NIN: variants seen among roughly 807,000 people sequenced by gnomAD.
The protein encoded by NIN is ninein.
In NIN, 137 loss-of-function variants were observed where a neutral mutation model predicts 257.6. The ratio of observed to expected loss-of-function variants is 0.53; its 90% CI spans 0.46 to 0.61. NIN has a LOEUF of 0.61. Among genes scored for constraint, NIN ranks in the 20% least tolerant of loss-of-function variants. The pLI is 0.00. For missense variants in NIN, 2,439 were observed against 2,501.2 expected, an observed-to-expected ratio of 0.98 and a Z score of 0.53; for synonymous variants, 918 against 919.8, an observed-to-expected ratio of 1.00 and a Z score of 0.04.
intron 12 of NIN, among the ~76,000 whole-genome samples, chr14:50,768,051 CAACACA>C (rs1375948684): frequency 3.2e-5 from 3 of 93,930 alleles, no homozygotes; most frequent in East Asian, 3.3e-4. Context: ...CCACATTTGC[CAACACA>C]CACACACACA....
At position 50,752,607 on chromosome 14, in the gene NIN, T is replaced by G; in HGVS notation, c.4861A>C (p.Lys1621Gln). The change falls in exon 21 of 31, where the codon AAG becomes CAG. Residue 1621 changes from lysine to glutamine, a missense_variant. Physicochemically the swap from Lys to Gln is moderately conservative, Grantham distance 53. This residue lies in a region of NIN where 2,043 missense variants were observed against 2,050.2 expected (regional missense o/e 1.00). Transcript: ENST00000530997. ...GCACTGTTTCCTGGCTCTTTTTCCT[T>G]CTGGCATAGCATTTCTGTTAGACGT... ...NQRLTEMLCQ[K>Q]EKEPGNSALE... 1 of 1,614,118 alleles carries G rather than the reference T, an allele frequency of 6.2e-7. No individual in the cohort carries two copies. The highest frequency in any genetic ancestry group is 1.7e-5 in the Admixed American group (1 of 60,028).
At chr14:50,738,953 TATTTAGACC>T (rs1878523379) in intron 26 of NIN, among the ~76,000 whole-genome samples, 1 of 152,166 alleles carries the variant, frequency 6.6e-6, no homozygotes, top group Middle Eastern at 3.2e-3. Context: ...CGTGAGGAGT[TATTTAGACC>T]TGCAAGATCT....
intron 17 of NIN, among the ~76,000 whole-genome samples, chr14:50,759,533 G>A (rs369095462): frequency 6.1e-5 from 9 of 148,730 alleles, no homozygotes; most frequent in East Asian, 2.0e-4. Context: ...TCGCTCTGTC[G>A]CCCAGGCTGG....
rs1009512420 is a variant in NIN at position 50,723,069 on chromosome 14, A to T, written c.*394T>A. On this transcript the variant is annotated 3_prime_UTR_variant, in exon 31 of 31. Coordinates refer to ENST00000530997, the MANE Select transcript of NIN (RefSeq NM_020921.4). ...AACACCTAAATTTGGTTTTAAAATA[A>T]AGTTTATAACAACCATTCTCATCAG... 1 of 219,156 alleles carries T rather than the reference A, an allele frequency of 4.6e-6. No individual in the cohort carries two copies. Among genetic ancestry groups the T allele is most frequent in the Non-Finnish European group, 9.1e-6 (1 of 109,572 alleles). The allele number at this position is 219,156 out of a possible 1,614,324, so 13.6% of individuals were successfully genotyped here.
rs557406931 is a variant in NIN at position 50,760,833 on chromosome 14, C to G, written c.1897-474G>C. On this transcript the variant is annotated intron_variant, in intron 16 of 30. Transcript: ENST00000530997. ...GACTAAAGGCACACACCACCGTGCC[C>G]TAATTTTTTTTTCTTGGTAGAGACG... Among the ~76,000 whole-genome samples, 6 of 152,218 alleles carry G rather than the reference C, an allele frequency of 3.9e-5. No homozygotes were observed. In the South Asian group the frequency reaches 8.3e-4, roughly 21 times the overall value.
At chr14:50,734,086 A>C (rs1468566660) in intron 28 of NIN, among the ~76,000 whole-genome samples, 8 of 138,322 alleles carry the variant, frequency 5.8e-5, no homozygotes, top group African/African-American at 8.0e-5. Flanking sequence ...TTTCTTCTTT[A>C]TTTTTTTTTT....
At chr14:50,730,835 A>G (rs1274736252) in intron 28 of NIN, 1 of 1,039,186 alleles carries the variant, frequency 9.6e-7, no homozygotes, top group African/African-American at 1.7e-5. Context: ...GTACTTATTA[A>G]CTGTTACAAT....
In NIN at chr14:50,720,979, A is replaced by G. The variant is rs2040259379; in HGVS notation, c.*2484T>C. ...ATAACTTAATATTTTGAAGAATGCT[A>G]TTGTAAAGTTTGAAACAAGATCTAA... On this transcript the variant is annotated 3_prime_UTR_variant, in exon 31 of 31. Coordinates refer to ENST00000530997, the MANE Select transcript of NIN (RefSeq NM_020921.4). 5.2e-6 allele frequency: 1 copy of G among 191,114 alleles called. No individual in the cohort carries two copies. The highest frequency in any genetic ancestry group is 6.1e-5 in the Admixed American group (1 of 16,278). The allele number at this position is 191,114 out of a possible 1,614,324, so 11.8% of individuals were successfully genotyped here. A position where few individuals can be genotyped will look rare whatever the true frequency, so the allele number is the denominator to read the frequency against.
At chr14:50,815,869 C>G (rs1032678747) in intron 3 of NIN, among the ~76,000 whole-genome samples, 1 of 152,096 alleles carries the variant, frequency 6.6e-6, no homozygotes, top group Non-Finnish European at 1.5e-5. Context: ...ATTAGCTGGG[C>G]GTGGTGGCAT....
chr14:50,757,671 G>A lies in NIN; in HGVS notation c.3359C>T (p.Ala1120Val), dbSNP rs375931384. Reference protein sequence around the residue: ...EPATEFFGNTAEQTEQFLQQN... With the variant: ...EPATEFFGNTVEQTEQFLQQN... ...CTGTAAAAACTGCTCTGTTTGTTCCGCAGTATTTCCAAAAAACTCAGTAGC... is the reference window on the plus strand; with the variant it reads ...CTGTAAAAACTGCTCTGTTTGTTCCACAGTATTTCCAAAAAACTCAGTAGC... The change falls in exon 18 of 31, where the codon GCG becomes GTG. Residue 1120 changes from alanine (A) to valine (V), a missense_variant. Around this residue, in one of 3 missense-constraint regions of NIN, gnomAD observed 2,043 missense variants for 2,050.2 expected, o/e 1.00. Transcript: ENST00000530997. 13 of 1,613,974 alleles carry A rather than the reference G, an allele frequency of 8.1e-6. No individual in the cohort carries two copies. The Admixed American group carries it at 1.2e-4, about 14-fold the overall frequency.
chr14:50,723,047 A>G lies in NIN; in HGVS notation c.*416T>C. The G allele has an allele frequency of 4.6e-6, 1 of 216,384 alleles. No homozygotes were observed. The highest frequency in any genetic ancestry group is 7.3e-5 in the East Asian group (1 of 13,786). 13.4% of individuals were successfully genotyped at this position (216,384 alleles called of 1,614,324 possible). A position where few individuals can be genotyped will look rare whatever the true frequency, so the allele number is the denominator to read the frequency against. ...TTCCAGTATTTAAATATGTAAGAACACCTAAATTTGGTTTTAAAATAAAGT... is the reference window on the plus strand; with the variant it reads ...TTCCAGTATTTAAATATGTAAGAACGCCTAAATTTGGTTTTAAAATAAAGT... On this transcript the variant is annotated 3_prime_UTR_variant, in exon 31 of 31. Transcript: ENST00000530997.
rs1035014721 is a variant in NIN at position 50,723,283 on chromosome 14, T to C, written c.*180A>G. On this transcript the variant is annotated 3_prime_UTR_variant, in exon 31 of 31. Coordinates refer to ENST00000530997, the MANE Select transcript of NIN (RefSeq NM_020921.4). Reference sequence around the variant, plus strand: ...TGGGAATAATTTAAGTAGTGAAATATGTGAGTATTTATTTTCAAACTCCCA... The same window carrying C: ...TGGGAATAATTTAAGTAGTGAAATACGTGAGTATTTATTTTCAAACTCCCA... The C allele has an allele frequency of 2.5e-5, 12 of 489,622 alleles. No individual in the cohort carries two copies. Among genetic ancestry groups the C allele is most frequent in the African/African-American group, 3.9e-5 (2 of 51,142 alleles). The allele number at this position is 489,622 out of a possible 1,614,324, so 30.3% of individuals were successfully genotyped here. A position where few individuals can be genotyped will look rare whatever the true frequency, so the allele number is the denominator to read the frequency against.
chr14:50,743,129 C>CTT (rs1217121904), intron 24 of NIN, among the ~76,000 whole-genome samples: 1 of 142,582 alleles, frequency 7.0e-6, no homozygotes, highest in African/African-American at 2.6e-5. Context: ...CGACACCAGG[C>CTT]TTTTTTTTTT....
intron 4 of NIN, among the ~76,000 whole-genome samples, chr14:50,802,206 G>A (rs1333109743): frequency 1.3e-5 from 2 of 152,144 alleles, no homozygotes; most frequent in Non-Finnish European, 1.5e-5. Flanking sequence ...TAATCAGTTT[G>A]GAATTTACAA....
At chr14:50,725,395 G>A (rs965764708) in intron 30 of NIN, among the ~76,000 whole-genome samples, 2 of 152,140 alleles carry the variant, frequency 1.3e-5, no homozygotes, top group African/African-American at 2.4e-5. Flanking sequence ...GGCTGTTTAA[G>A]TGGTCCTGGA....
At chr14:50,772,230 T>C in intron 9 of NIN, 71 bp downstream of exon 9, 1 of 1,344,240 alleles carries the variant, frequency 7.4e-7, no homozygotes, top group Non-Finnish European at 1.0e-6. Context: ...AATCACAGTT[T>C]CCAAAAAATA....
chr14:50,799,212 G>A (rs1427266495), intron 4 of NIN, among the ~76,000 whole-genome samples: 2 of 152,226 alleles, frequency 1.3e-5, no homozygotes, highest in African/African-American at 2.4e-5. Context: ...AAGGTTGGGA[G>A]TGCCGAACCT....
At chr14:50,818,282 C>T (rs2045022287) in intron 3 of NIN, among the ~76,000 whole-genome samples, 4 of 145,320 alleles carry the variant, frequency 2.8e-5, no homozygotes, top group Admixed American at 2.1e-4. Context: ...GAGATTATGC[C>T]ACTACACTCC....
chr14:50,788,269 T>C lies in NIN; in HGVS notation c.435+4443A>G, dbSNP rs190273180. On this transcript the variant is annotated intron_variant, in intron 5 of 30. Coordinates refer to ENST00000530997, the MANE Select transcript of NIN (RefSeq NM_020921.4). ...ATAGGCTCTCCCACCCGTGCCACCA[T>C]ATCACAGTGGGCACTATGAATAGGC... Among the ~76,000 whole-genome samples the C allele has an allele frequency of 4.8e-4, 73 of 152,310 alleles. 2 individuals carry two copies. The highest frequency in any genetic ancestry group is 1.6e-3 in the African/African-American group (68 of 41,550).
Sources: allele counts gnomAD v4.1 joint callset (sites outside exome capture counted in the v4.1 genomes callset), GRCh38; gene constraint gnomAD v4.1.1; regional missense constraint gnomAD v4.1.1; transcripts MANE v1.5; gene names NCBI Gene and HGNC (gene_info 2026-07-23, HGNC 2026-07-21).